The following MYRIP variants were observed in gnomAD, a reference collection of about 807,000 sequenced individuals.
MYRIP encodes myosin VIIA and Rab interacting protein, also known as rab effector MyRIP.
MYRIP carries 49 observed loss-of-function variants against 98.0 expected under a neutral mutation model. That is an observed-to-expected ratio of 0.50 (90% CI 0.40 to 0.63). The LOEUF is 0.63. Ranked by LOEUF, MYRIP falls within the 30% of genes least tolerant of loss-of-function variation. MYRIP has a pLI of 0.00. For missense variants in MYRIP, 1,004 were observed against 1,058.2 expected (o/e 0.95, Z 0.71); for synonymous variants, 404 against 409.5 (o/e 0.99, Z 0.16).
intron 1 of MYRIP, among the ~76,000 whole-genome samples, chr3:39,855,106 T>C (rs994376217): frequency 6.6e-6 from 1 of 152,246 alleles, no homozygotes; most frequent in African/African-American, 2.4e-5. Context: ...CTATGCTGGC[T>C]TTCTTGAATG....
At chr3:39,845,139 G>T (rs1941924011) in intron 1 of MYRIP, among the ~76,000 whole-genome samples, 2 of 152,194 alleles carry the variant, frequency 1.3e-5, no homozygotes, top group African/African-American at 4.8e-5. Flanking sequence ...GCCCTAGACT[G>T]CCTGGGACAA....
intron 1 of MYRIP, among the ~76,000 whole-genome samples, chr3:39,885,952 G>T (rs796317899): frequency 6.6e-6 from 1 of 151,768 alleles, no homozygotes; most frequent in East Asian, 1.9e-4. Context: ...ATGTCCTCCC[G>T]TAGCTGGGAG....
intron 3 of MYRIP, among the ~76,000 whole-genome samples, chr3:40,083,983 A>T (rs1948539988): frequency 1.3e-5 from 2 of 151,770 alleles, no homozygotes; most frequent in Non-Finnish European, 2.9e-5. Flanking sequence ...GAAAAATACA[A>T]AAAATTAGCC....
chr3:39,873,775 T>C (rs1276076574), intron 1 of MYRIP, among the ~76,000 whole-genome samples: 11 of 147,910 alleles, frequency 7.4e-5, no homozygotes, highest in African/African-American at 7.4e-5. Flanking sequence ...GGTAGTGTGA[T>C]GCCTCCAGCT....
intron 3 of MYRIP, among the ~76,000 whole-genome samples, chr3:40,110,831 A>T (rs1425401075): frequency 1.3e-5 from 2 of 151,198 alleles, no homozygotes; most frequent in Non-Finnish European, 2.9e-5. Context: ...CTCTGTAATT[A>T]TTCTCAAATA....
At chr3:40,116,669 G>A (rs887529045) in intron 3 of MYRIP, among the ~76,000 whole-genome samples, 3 of 152,148 alleles carry the variant, frequency 2.0e-5, no homozygotes, top group African/African-American at 7.2e-5. Flanking sequence ...AGAACACGGC[G>A]TCCTTTGTTT....
chr3:39,975,947 T>A (rs1410870573), intron 2 of MYRIP, among the ~76,000 whole-genome samples: 14 of 152,164 alleles, frequency 9.2e-5, no homozygotes, highest in Admixed American at 5.9e-4. Context: ...ATGAAAACCC[T>A]AGAAGAAAAC....
At chr3:40,095,915 C>T (rs1410580796) in intron 3 of MYRIP, among the ~76,000 whole-genome samples, 2 of 151,742 alleles carry the variant, frequency 1.3e-5, no homozygotes, top group African/African-American at 4.8e-5. Context: ...TCCCTCTCCC[C>T]ATCCTTTTTT....
chr3:39,952,124 A>C (rs7619678), intron 2 of MYRIP, among the ~76,000 whole-genome samples: 30,138 of 152,052 alleles, frequency 0.2, 4,485 homozygotes, highest in African/African-American at 0.42. Context: ...CTTATCTGGA[A>C]ATTTCATATG....
intron 1 of MYRIP, among the ~76,000 whole-genome samples, chr3:39,890,433 A>T (rs1308801486): frequency 6.6e-6 from 1 of 151,440 alleles, no homozygotes; most frequent in Admixed American, 6.6e-5. Context: ...ATATTTGGTC[A>T]CTCTTTCCAG....
chr3:40,156,512 T>G lies in MYRIP; in HGVS notation c.469+5328T>G, dbSNP rs979280641. Among the ~76,000 whole-genome samples the G allele has an allele frequency of 8.6e-3, 1,314 of 152,250 alleles. 22 individuals carry two copies. Among genetic ancestry groups the G allele is most frequent in the African/African-American group, 0.03 (1,262 of 41,504 alleles). On this transcript the variant is annotated intron_variant, in intron 4 of 16. Coordinates refer to ENST00000302541, the MANE Select transcript of MYRIP (RefSeq NM_015460.4). ...GTGCCATATGAACTTTAAAGTAGTT[T>G]TTTCCAATTCTGTGAAGAAAGTAAT...
At chr3:39,827,548 T>C (rs1941307266) in intron 1 of MYRIP, among the ~76,000 whole-genome samples, 1 of 152,230 alleles carries the variant, frequency 6.6e-6, no homozygotes, top group Admixed American at 6.5e-5. Flanking sequence ...GATTGTTTTG[T>C]ATATCTTTTA....
chr3:39,900,346 T>C (rs1327618461), intron 1 of MYRIP, among the ~76,000 whole-genome samples: 1 of 137,738 alleles, frequency 7.3e-6, no homozygotes, highest in Non-Finnish European at 1.5e-5. Context: ...TTTTAAAGTA[T>C]TATAATTTTT....
At chr3:39,957,369 T>A (rs532115530) in intron 2 of MYRIP, among the ~76,000 whole-genome samples, 1 of 149,380 alleles carries the variant, frequency 6.7e-6, no homozygotes, top group East Asian at 1.9e-4. Flanking sequence ...CAAGGCTGGC[T>A]CAACATATGC....
At chr3:40,206,252 G>A (rs1174460498) in intron 10 of MYRIP, among the ~76,000 whole-genome samples, 1 of 152,054 alleles carries the variant, frequency 6.6e-6, no homozygotes, top group Non-Finnish European at 1.5e-5. Flanking sequence ...CCCTTTGCAG[G>A]CTAAAAATAC....
In MYRIP at chr3:40,190,016, C is replaced by A. The variant is rs1285709944; in HGVS notation, c.1218C>A (p.Ala406=). The change falls in exon 10 of 17, where the codon GCC becomes GCA. Residue 406 remains alanine (A), a synonymous_variant. Coordinates refer to ENST00000302541, the MANE Select transcript of MYRIP (RefSeq NM_015460.4). ...DSEEDFDWSE[A]LSKLCPRSRA... ...AGGAAGACTTTGACTGGAGTGAGGC[C>A]TTGAGCAAGCTGTGTCCCAGGTCCC... The A allele has an allele frequency of 1.9e-6, 3 of 1,614,122 alleles. No homozygotes were observed. Among genetic ancestry groups the A allele is most frequent in the Non-Finnish European group, 2.5e-6 (3 of 1,180,016 alleles).
chr3:39,903,759 A>C (rs1443241180), intron 2 of MYRIP, among the ~76,000 whole-genome samples: 1 of 152,206 alleles, frequency 6.6e-6, no homozygotes, highest in Non-Finnish European at 1.5e-5. Flanking sequence ...GAGATTACAA[A>C]GCTTGCTCAG....
chr3:40,109,627 A>G (rs1280971968), intron 3 of MYRIP, among the ~76,000 whole-genome samples: 1 of 152,124 alleles, frequency 6.6e-6, no homozygotes, highest in Non-Finnish European at 1.5e-5. Flanking sequence ...TGATGTTGGG[A>G]AGGATATGCT....
intron 3 of MYRIP, among the ~76,000 whole-genome samples, chr3:40,082,668 A>G (rs1342329182): frequency 6.6e-6 from 1 of 152,218 alleles, no homozygotes; most frequent in Non-Finnish European, 1.5e-5. Context: ...TTAAAGCATA[A>G]ATCTTATTGC....
Sources: gnomAD v4.1 joint callset for allele counts (sites outside exome capture counted in the v4.1 genomes callset) on GRCh38, gnomAD v4.1.1 for gene constraint, MANE v1.5 for transcripts, NCBI Gene and HGNC (gene_info 2026-07-23, HGNC 2026-07-21) for gene names.